Variants in TTN observed in about 807,000 individuals in gnomAD.
TTN encodes titin.
In TTN, 1,525 loss-of-function variants were observed where a neutral mutation model predicts 3,223.0. The ratio of observed to expected loss-of-function variants is 0.47; its 90% CI spans 0.45 to 0.49. The LOEUF (loss-of-function observed/expected upper bound fraction) is 0.49. Ranked by LOEUF, TTN falls within the 20% of genes least tolerant of loss-of-function variation. TTN has a pLI of 0.00. For missense variants in TTN, 40,786 were observed against 43,424.0 expected, an observed-to-expected ratio of 0.94 and a Z score of 5.40; for synonymous variants, 14,094 against 15,161.0, an observed-to-expected ratio of 0.93 and a Z score of 5.17.
chr2:178,590,314 G>A lies in TTN; in HGVS notation c.61411C>T (p.Leu20471Phe). Residue 20471 changes from leucine to phenylalanine, a missense_variant, in exon 304 of 363, where the codon CTT (leucine) becomes TTT (phenylalanine). Leu to Phe is a conservative substitution (Grantham distance 22). Transcript: ENST00000589042. ...LAESVIAKDI[L>F]HPPEVELDVT... ...TCAAGTTCTACTTCTGGAGGATGAA[G>A]GATATCTTTTGCAATCACAGATTCT... is the stretch of plus-strand genomic sequence containing the variant. 9 of 1,570,626 alleles carry A rather than the reference G, an allele frequency of 5.7e-6. No homozygotes were observed. Among genetic ancestry groups the A allele is most frequent in the Non-Finnish European group, 7.8e-6 (9 of 1,159,010 alleles).
chr2:178,556,469 C>CA, intron 330 of TTN: 1 of 204,920 alleles, frequency 4.9e-6, no homozygotes, highest in East Asian at 1.7e-4. Flanking sequence ...AAAAAAAAAA[C>CA]CAAAAAATGA....
intron 47 of TTN, chr2:178,750,383 A>G: frequency 1.9e-6 from 3 of 1,613,096 alleles, no homozygotes; most frequent in Non-Finnish European, 2.5e-6. Context: ...CTGATGATGA[A>G]CAGATGAAAG....
intron 136 of TTN, 42 bp downstream of exon 136, chr2:178,681,619 A>G (rs551188311): frequency 1.3e-6 from 2 of 1,573,190 alleles, no homozygotes; most frequent in African/African-American, 2.7e-5. Flanking sequence ...ACATGGAGGA[A>G]ACAAAGATCT....
In TTN at chr2:178,776,857, T is replaced by G; in HGVS notation, c.5007A>C (p.Ala1669=). ...KLIIPRGTYR[A]KEIAAPELEP... is the part of the protein sequence containing the mutation. ...CCAGTTCTGGGGCTGCAATCTCCTT[T>G]GCTCTATATGTCCCCCGTGGGATGA... Residue 1669 remains alanine (A), a synonymous_variant, in exon 28 of 363, where the codon GCA becomes GCC. Coordinates refer to ENST00000589042, the MANE Select transcript of TTN (RefSeq NM_001267550.2). 1 of 1,613,866 alleles carries G rather than the reference T, an allele frequency of 6.2e-7. No individual in the cohort carries two copies. The highest frequency in any genetic ancestry group is 8.5e-7 in the Non-Finnish European group (1 of 1,179,966).
At chr2:178,750,609 A>C (rs751079100) in intron 47 of TTN, 1 of 1,612,726 alleles carries the variant, frequency 6.2e-7, no homozygotes, top group Non-Finnish European at 8.5e-7. Context: ...GAATTTTCAA[A>C]AAATCTCATG....
In TTN at chr2:178,612,298, C is replaced by T; in HGVS notation, c.50227G>A (p.Val16743Met). The T allele has an allele frequency of 6.2e-7, 1 of 1,612,580 alleles. No individual in the cohort carries two copies. Among genetic ancestry groups the T allele is most frequent in the East Asian group, 2.2e-5 (1 of 44,578 alleles). The change falls in exon 266 of 363, where the codon GTG (valine) becomes ATG (methionine). Residue 16743 changes from valine to methionine, a missense_variant. Physicochemically the swap from Val to Met is conservative, Grantham distance 21. Transcript: ENST00000589042. ...QSDYTEIEDS[V>M]LAKDTFTTPG... ...ATACTAAAGGTGTCTTTGGCCAGCA[C>T]AGAGTCCTCAATTTCGGTGTAGTCG...
intron 47 of TTN, chr2:178,746,563 C>G: frequency 6.2e-7 from 1 of 1,613,150 alleles, no homozygotes; most frequent in Non-Finnish European, 8.5e-7. Flanking sequence ...GTAGTGCCAC[C>G]ACTCTTTCTT....
At chr2:178,581,380 C>T in intron 316 of TTN, 119 bp downstream of exon 316, 1 of 797,346 alleles carries the variant, frequency 1.3e-6, no homozygotes, top group Non-Finnish European at 1.8e-6. Context: ...AAAAAGTACT[C>T]TTGGAGTTAC....
chr2:178,711,696 T>A (rs370160046), intron 96 of TTN, among the ~76,000 whole-genome samples: 22 of 152,314 alleles, frequency 1.4e-4, no homozygotes, highest in African/African-American at 4.6e-4. Context: ...TAAAAATATA[T>A]GGTCACTTTT....
chr2:178,549,224 G>T lies in TTN; in HGVS notation c.92402C>A (p.Ala30801Glu). The T allele has an allele frequency of 6.2e-7, 1 of 1,613,844 alleles. No individual in the cohort carries two copies. ...YEFHVMAENA[A>E]GVGPASGISR... ...GATGCCACTTGCAGGTCCAACTCCT[G>T]CAGCATTTTCAGCCATGACATGGAA... The change falls in exon 339 of 363, where the codon GCA (alanine) becomes GAA (glutamate). Residue 30801 changes from alanine (A) to glutamate (E), a missense_variant. Coordinates refer to ENST00000589042, the MANE Select transcript of TTN (RefSeq NM_001267550.2).
Position 178,562,811 on chromosome 2 carries a change from G to C in TTN, c.83321C>G (p.Thr27774Ser). 1 of 1,612,982 alleles carries C rather than the reference G, an allele frequency of 6.2e-7. No individual in the cohort carries two copies. Among genetic ancestry groups the C allele is most frequent in the Non-Finnish European group, 8.5e-7 (1 of 1,179,500 alleles). Residue 27774 changes from threonine (T) to serine (S), a missense_variant, in exon 326 of 363, where the codon ACC becomes AGC. By Grantham distance (58) the Thr-to-Ser change is moderately conservative. Coordinates refer to ENST00000589042, the MANE Select transcript of TTN (RefSeq NM_001267550.2). Reference protein sequence around the residue: ...LDSPSAPVNLTIREVKKDSVT... With the variant: ...LDSPSAPVNLSIREVKKDSVT... ...TGAGTCTTTCTTCACTTCTCTTATG[G>C]TCAAATTCACAGGGGCACTTGGTGA...
Position 178,592,493 on chromosome 2 carries a change from C to G in TTN, c.59512G>C (p.Val19838Leu), listed in dbSNP as rs767665016. Reference protein sequence around the residue: ...PTKARIDVTPVGSKLEIRNAA... With the variant: ...PTKARIDVTPLGSKLEIRNAA... ...TTACGAATTTCAAGCTTGCTACCAA[C>G]TGGAGTCACATCAATTCTTGCTTTA... Residue 19838 changes from valine to leucine, a missense_variant, in exon 301 of 363, where the codon GTT (valine) becomes CTT (leucine). By Grantham distance (32) the Val-to-Leu change is conservative (BLOSUM62 1). Transcript: ENST00000589042. 3.7e-6 allele frequency: 6 copies of G among 1,613,496 alleles called. No homozygotes were observed. Among genetic ancestry groups the G allele is most frequent in the Non-Finnish European group, 4.2e-6 (5 of 1,179,592 alleles).
At position 178,539,552 on chromosome 2, in the gene TTN, ACTTCTC is replaced by A; in HGVS notation, c.98507_98512del (p.Arg32836_Val32838delinsLeu). On this transcript the variant is annotated inframe_deletion, in exon 352 of 363. Coordinates refer to ENST00000589042, the MANE Select transcript of TTN (RefSeq NM_001267550.2). ...AATGGTATACCAGGCGGCTTTAGGC[ACTTCTC>A]GTCTCTCGAGGATGTAGCCTAAGAT... 1 of 1,613,802 alleles carries A rather than the reference ACTTCTC, an allele frequency of 6.2e-7. No homozygotes were observed. Among genetic ancestry groups the A allele is most frequent in the Non-Finnish European group, 8.5e-7 (1 of 1,179,782 alleles).
chr2:178,651,823 T>A, intron 205 of TTN, 61 bp downstream of exon 205: 1 of 1,602,056 alleles, frequency 6.2e-7, no homozygotes, highest in Non-Finnish European at 8.5e-7. Context: ...GCACCCAGAA[T>A]TATCAGGGCA....
In TTN at chr2:178,740,769, A is replaced by G; in HGVS notation, c.12464T>C (p.Val4155Ala). The G allele has an allele frequency of 6.2e-7, 1 of 1,613,684 alleles. No individual in the cohort carries two copies. Among genetic ancestry groups the G allele is most frequent in the Non-Finnish European group, 8.5e-7 (1 of 1,179,762 alleles). The change falls in exon 48 of 363, where the codon GTA becomes GCA. Residue 4155 changes from valine (V) to alanine (A), a missense_variant. Transcript: ENST00000589042. Reference protein sequence around the residue: ...EPSPNLQLQIVQSQKTFSKEG... With the variant: ...EPSPNLQLQIAQSQKTFSKEG... ...TTTGGAGAAGGTTTTCTGGGACTGT[A>G]CAATCTGCAGCTGTAGGTTGGGAGA...
rs566830548 is a variant in TTN at position 178,587,305 on chromosome 2, G to A, written c.63906C>T (p.Ile21302=). The A allele has an allele frequency of 5.0e-6, 8 of 1,612,988 alleles. No individual in the cohort carries two copies. The highest frequency in any genetic ancestry group is 1.3e-5 in the African/African-American group (1 of 74,938). ...TTCTGTCTGCCTCACGTTTCTCCAC[G>A]ATATAATGTGTCACTTGGCTCCCAC... ...NDGGSQVTHY[I]VEKREADRKT... Residue 21302 remains isoleucine, a synonymous_variant, in exon 307 of 363, where the codon ATC becomes ATT. Coordinates refer to ENST00000589042, the MANE Select transcript of TTN (RefSeq NM_001267550.2).
Position 178,770,503 on chromosome 2 carries a change from A to G in TTN, c.8289T>C (p.Ser2763=). 1 of 1,614,142 alleles carries G rather than the reference A, an allele frequency of 6.2e-7. No individual in the cohort carries two copies. The highest frequency in any genetic ancestry group is 8.5e-7 in the Non-Finnish European group (1 of 1,180,012). The change falls in exon 35 of 363, where the codon TCT becomes TCC. Residue 2763 remains serine, a synonymous_variant. Coordinates refer to ENST00000589042, the MANE Select transcript of TTN (RefSeq NM_001267550.2). ...YAISVKGTIY[S]LRIKNCAIVD... ...CGATGGCACAGTTTTTAATCCTCAG[A>G]GAGTAAATTGTTCCTTTGACAGAGA... is the stretch of plus-strand genomic sequence containing the variant.
rs759446336 is a variant in TTN at position 178,710,867 on chromosome 2, C to A, written c.28230G>T (p.Val9410=). ...GGCACTCAAAGTCAGCACTTTCTCC[C>A]ACCACAGCATCCACAGGGGCAAGAC... ...DIRLAPVDAV[V]GESADFECHV... Residue 9410 remains valine (V), a synonymous_variant, in exon 98 of 363, where the codon GTG becomes GTT. Transcript: ENST00000589042. 1 of 1,613,904 alleles carries A rather than the reference C, an allele frequency of 6.2e-7. No homozygotes were observed. The highest frequency in any genetic ancestry group is 8.5e-7 in the Non-Finnish European group (1 of 1,179,818).
rs794729506 is a variant in TTN at position 178,568,133 on chromosome 2, G to A, written c.77999C>T (p.Thr26000Ile). The A allele has an allele frequency of 8.7e-6, 14 of 1,613,378 alleles. No homozygotes were observed. The highest frequency in any genetic ancestry group is 1.6e-4 in the Middle Eastern group (1 of 6,074). The change falls in exon 326 of 363, where the codon ACA becomes ATA. Residue 26000 changes from threonine to isoleucine, a missense_variant. Coordinates refer to ENST00000589042, the MANE Select transcript of TTN (RefSeq NM_001267550.2). ...GACCATGGAGTCTTTGGAAATGGCT[G>A]TGGCAAATGGTGTACCTGGAGGGCC... ...EPGPPGTPFA[T>I]AISKDSMVIQ... is the part of the protein sequence containing the mutation.
Sources: allele counts gnomAD v4.1 joint callset (sites outside exome capture counted in the v4.1 genomes callset), GRCh38; gene constraint gnomAD v4.1.1; transcripts MANE v1.5; gene names NCBI Gene and HGNC (gene_info 2026-07-23, HGNC 2026-07-21).